The following DYM variants were observed in gnomAD, a reference collection of about 807,000 sequenced individuals.
DYM encodes dyggve-Melchior-Clausen syndrome protein.
A neutral mutation model predicts 93.1 loss-of-function variants in DYM; 78 were observed. That is an observed-to-expected ratio of 0.84 (90% CI 0.70 to 1.01). The LOEUF is 1.01. DYM is among the 50% of genes least tolerant of loss of function. DYM has a pLI of 0.00. For synonymous variants in DYM, 321 were observed against 319.7 expected, an observed-to-expected ratio of 1.00 and a Z score of -0.04; for missense variants, 789 against 845.0, an observed-to-expected ratio of 0.93 and a Z score of 0.82.
At chr18:49,297,864 A>C (rs536898336) in intron 8 of DYM, among the ~76,000 whole-genome samples, 10 of 152,280 alleles carry the variant, frequency 6.6e-5, no homozygotes, top group African/African-American at 2.2e-4. Flanking sequence ...AAAGGGCATA[A>C]TCCTCAAGTA....
At chr18:49,047,056 A>C (rs886819073) in intron 17 of DYM, among the ~76,000 whole-genome samples, 1 of 152,230 alleles carries the variant, frequency 6.6e-6, no homozygotes, top group African/African-American at 2.4e-5. Flanking sequence ...CAAGTGTGTA[A>C]GAATTCCTAA....
intron 17 of DYM, among the ~76,000 whole-genome samples, chr18:49,075,701 T>C (rs1375342880): frequency 6.6e-6 from 1 of 152,142 alleles, no homozygotes; most frequent in East Asian, 1.9e-4. Flanking sequence ...ACACGGAAAA[T>C]TCAAAACATT....
chr18:49,165,397 C>T lies in DYM; in HGVS notation c.1626-1610G>A, dbSNP rs557807084. On this transcript the variant is annotated intron_variant, in intron 14 of 17. Transcript: ENST00000675505. The stretch of plus-strand genomic sequence containing the variant: ...GATTCCATGTACTTCCCATAAAAAT[C>T]TGAAGTATGGCCTTTAGTATTTTTT... Among the ~76,000 whole-genome samples the T allele has an allele frequency of 3.3e-5, 5 of 152,216 alleles. No individual in the cohort carries two copies. In the East Asian group the frequency reaches 7.7e-4, roughly 23 times the overall value.
At chr18:49,115,856 A>T (rs1599860320) in intron 16 of DYM, among the ~76,000 whole-genome samples, 1 of 152,224 alleles carries the variant, frequency 6.6e-6, no homozygotes, top group South Asian at 2.1e-4. Flanking sequence ...GATTAATTTT[A>T]AAAAGATAGA....
chr18:49,258,052 G>A (rs956141400), intron 12 of DYM, among the ~76,000 whole-genome samples: 1 of 151,768 alleles, frequency 6.6e-6, no homozygotes, highest in African/African-American at 2.4e-5. Context: ...ATTTTCTTGT[G>A]CTCATATCCT....
At chr18:49,106,108 T>A (rs2080772834) in intron 16 of DYM, among the ~76,000 whole-genome samples, 1 of 152,228 alleles carries the variant, frequency 6.6e-6, no homozygotes, top group Non-Finnish European at 1.5e-5. Flanking sequence ...TGGGTGCATA[T>A]ATATTTAGGA....
At chr18:49,199,470 C>T (rs529856779) in intron 14 of DYM, among the ~76,000 whole-genome samples, 1 of 152,272 alleles carries the variant, frequency 6.6e-6, no homozygotes, top group East Asian at 1.9e-4. Context: ...CTGACTAACG[C>T]TGTAAATCTT....
intron 1 of DYM, among the ~76,000 whole-genome samples, chr18:49,437,219 A>G (rs1188255018): frequency 2.0e-5 from 3 of 152,198 alleles, no homozygotes; most frequent in Non-Finnish European, 2.9e-5. Context: ...GCATCATTCC[A>G]CAGACATTCT....
At chr18:49,425,638 C>A (rs1264722911) in intron 2 of DYM, among the ~76,000 whole-genome samples, 3 of 152,204 alleles carry the variant, frequency 2.0e-5, no homozygotes, top group Non-Finnish European at 4.4e-5. Flanking sequence ...TTTTTGCAAT[C>A]TACCCATCTG....
At chr18:49,440,243 C>A (rs955774238) in intron 1 of DYM, among the ~76,000 whole-genome samples, 4 of 140,784 alleles carry the variant, frequency 2.8e-5, no homozygotes, top group African/African-American at 1.0e-4. Flanking sequence ...TAAATGATGC[C>A]CTAATGCCCT....
intron 15 of DYM, 138 bp downstream of exon 15, chr18:49,163,547 T>C (rs574763809): frequency 3.3e-6 from 2 of 606,324 alleles, no homozygotes; most frequent in Admixed American, 4.5e-5. Flanking sequence ...GGTTTCACCA[T>C]GTTGGCCAGG....
chr18:49,379,026 T>G (rs1175122131), intron 4 of DYM, among the ~76,000 whole-genome samples: 1 of 152,114 alleles, frequency 6.6e-6, no homozygotes, highest in African/African-American at 2.4e-5. Flanking sequence ...ACCAAAAAAT[T>G]TAAAAAATTG....
At chr18:49,317,692 T>TCCTTCCTTC (rs1352822360) in intron 8 of DYM, among the ~76,000 whole-genome samples, 1 of 39,376 alleles carries the variant, frequency 2.5e-5, no homozygotes, top group South Asian at 1.7e-3. Context: ...TTCCTTCCTT[T>TCCTTCCTTC]CTTTCTTTCT....
intron 10 of DYM, among the ~76,000 whole-genome samples, chr18:49,273,812 A>T (rs2094774843): frequency 7.0e-6 from 1 of 143,466 alleles, no homozygotes; most frequent in South Asian, 2.2e-4. Flanking sequence ...TGTATATTTT[A>T]TGCCTTTTTT....
At chr18:49,064,096 C>G (rs2076207982) in intron 17 of DYM, among the ~76,000 whole-genome samples, 1 of 152,110 alleles carries the variant, frequency 6.6e-6, no homozygotes, top group South Asian at 2.1e-4. Context: ...AAAGGACTAG[C>G]CTTCTTATTT....
chr18:49,208,182 CAAAA>C (rs138264681), intron 14 of DYM, among the ~76,000 whole-genome samples: 5 of 58,304 alleles, frequency 8.6e-5, no homozygotes, highest in African/African-American at 2.4e-4. Context: ...GACTCCATCT[CAAAA>C]AAAAAAAAAA....
chr18:49,380,998 C>CT (rs34916711), intron 3 of DYM, among the ~76,000 whole-genome samples: 14,362 of 148,608 alleles, frequency 0.097, 971 homozygotes, highest in East Asian at 0.3. Flanking sequence ...ATTTGAACTT[C>CT]TTTTTTTTTT....
intron 14 of DYM, among the ~76,000 whole-genome samples, chr18:49,195,242 TTTAAAA>T (rs1292569738): frequency 6.6e-6 from 1 of 152,216 alleles, no homozygotes. Context: ...ATCGTGTTAC[TTTAAAA>T]TTAAGTTTTC....
chr18:49,213,629 A>C (rs1439777857), intron 13 of DYM, among the ~76,000 whole-genome samples: 2 of 152,104 alleles, frequency 1.3e-5, no homozygotes, highest in Non-Finnish European at 2.9e-5. Context: ...TTATTTTCTT[A>C]ATTATCTATA....
Sources: allele counts gnomAD v4.1 joint callset (sites outside exome capture counted in the v4.1 genomes callset), GRCh38; gene constraint gnomAD v4.1.1; transcripts MANE v1.5; gene names NCBI Gene and HGNC (gene_info 2026-07-23, HGNC 2026-07-21).